TUT7: variants seen among roughly 807,000 people sequenced by gnomAD.
The protein encoded by TUT7 is terminal uridylyl transferase 7, also known as terminal uridylyltransferase 7.
Under a neutral mutation model 165.9 loss-of-function variants are expected in TUT7, and 33 were observed. That is an observed-to-expected ratio of 0.20 (90% confidence interval 0.15 to 0.27). The LOEUF is 0.27. Among genes scored for constraint, TUT7 ranks in the 10% least tolerant of loss-of-function variants. The pLI is 1.00. For synonymous variants in TUT7, 552 were observed against 608.1 expected (o/e 0.91, Z 1.36); for missense variants, 1,338 against 1,762.3 (o/e 0.76, Z 4.31).
chr9:86,331,321 A>G (rs1173069004), intron 10 of TUT7, among the ~76,000 whole-genome samples: 1 of 152,154 alleles, frequency 6.6e-6, no homozygotes, highest in Non-Finnish European at 1.5e-5. Context: ...AAAAATATGT[A>G]TTCTCCAGTT....
intron 22 of TUT7, among the ~76,000 whole-genome samples, chr9:86,305,745 C>T (rs1827400888): frequency 6.6e-6 from 1 of 152,100 alleles, no homozygotes; most frequent in African/African-American, 2.4e-5. Context: ...GATTACAAAA[C>T]ACACTTATAA....
chr9:86,306,176 C>G (rs1438112518), intron 22 of TUT7, among the ~76,000 whole-genome samples: 1 of 152,088 alleles, frequency 6.6e-6, no homozygotes, highest in Admixed American at 6.6e-5. Flanking sequence ...AAAGCGATGA[C>G]CTTTTTTCGG....
At chr9:86,316,426 C>T (rs911074679) in intron 17 of TUT7, among the ~76,000 whole-genome samples, 1 of 152,106 alleles carries the variant, frequency 6.6e-6, no homozygotes, top group Non-Finnish European at 1.5e-5. Flanking sequence ...AGCAAGATCC[C>T]ATTTCTTAAA....
intron 14 of TUT7, among the ~76,000 whole-genome samples, chr9:86,320,254 T>C (rs1383314524): frequency 1.6e-5 from 2 of 126,638 alleles, no homozygotes; most frequent in East Asian, 2.0e-4. Context: ...AAAAAAAATT[T>C]CCCAAAAAAA....
intron 2 of TUT7, among the ~76,000 whole-genome samples, chr9:86,348,210 A>G (rs553521942): frequency 6.6e-6 from 1 of 152,012 alleles, no homozygotes; most frequent in Non-Finnish European, 1.5e-5. Flanking sequence ...ACCTCAATCA[A>G]CTCCTACTGC....
chr9:86,337,336 T>C (rs1830884934), intron 10 of TUT7, 83 bp downstream of exon 10: 4 of 1,460,670 alleles, frequency 2.7e-6, no homozygotes. Flanking sequence ...GTTAGGTGTC[T>C]AGATTTTGAA....
Position 86,310,691 on chromosome 9 carries a change from T to A in TUT7, c.3378+15A>T. ...CCTTAACCTCTCTAAACAAAAAGCC[T>A]GAAAAAAATCTTACCAATGTGTTAT... On this transcript the variant is annotated intron_variant, in intron 18 of 26. Coordinates refer to ENST00000375963, the MANE Select transcript of TUT7 (RefSeq NM_024617.4). 6.7e-7 allele frequency: 1 copy of A among 1,491,504 alleles called. No homozygotes were observed. The allele number at this position is 1,491,504 out of a possible 1,614,324, so 92.4% of individuals were successfully genotyped here.
intron 2 of TUT7, among the ~76,000 whole-genome samples, chr9:86,351,282 A>G (rs1204841635): frequency 6.6e-6 from 1 of 152,144 alleles, no homozygotes; most frequent in Non-Finnish European, 1.5e-5. Context: ...TTAAAAATAC[A>G]AAAATTAGCC....
chr9:86,315,009 C>T (rs145561387), intron 17 of TUT7, among the ~76,000 whole-genome samples: 18 of 152,328 alleles, frequency 1.2e-4, no homozygotes, highest in African/African-American at 4.3e-4. Context: ...CCCACATTCT[C>T]TCTTCTTAGA....
Position 86,338,883 on chromosome 9 carries a change from G to A in TUT7, c.1275C>T (p.Ala425=). 1 of 1,610,988 alleles carries A rather than the reference G, an allele frequency of 6.2e-7. No homozygotes were observed. The part of the protein sequence containing the change: ...NACLTTKHLT[A]LGKLEPKLVP... ...CCAGCTTTGGTTCTAGTTTTCCAAG[G>A]GCAGTTAAATGCTTTGTTGTCAGAC... The change falls in exon 9 of 27, where the codon GCC becomes GCT. Residue 425 remains alanine (A), a synonymous_variant. Coordinates refer to ENST00000375963, the MANE Select transcript of TUT7 (RefSeq NM_024617.4).
At chr9:86,294,553 A>G (rs1240298567) in intron 26 of TUT7, among the ~76,000 whole-genome samples, 2 of 147,732 alleles carry the variant, frequency 1.4e-5, no homozygotes, top group Admixed American at 6.8e-5. Flanking sequence ...GCTATCATAA[A>G]GAATATTGGG....
Position 86,353,189 on chromosome 9 carries a change from G to A in TUT7, c.11C>T (p.Thr4Ile). 6.3e-7 allele frequency: 1 copy of A among 1,577,598 alleles called. No individual in the cohort carries two copies. The highest frequency in any genetic ancestry group is 8.6e-7 in the Non-Finnish European group (1 of 1,166,872). ...GCGCTTCACGAAATAAGGTTTTGCT[G>A]TATCTCCCATGGTCTTTGACTTCAA... MGDTAKPYFVKRTK... is the reference protein window; with the variant it reads MGDIAKPYFVKRTK... The change falls in exon 2 of 27, where the codon ACA becomes ATA. Residue 4 changes from threonine (T) to isoleucine (I), a missense_variant. By Grantham distance (89) the Thr-to-Ile change is moderately conservative. Coordinates refer to ENST00000375963, the MANE Select transcript of TUT7 (RefSeq NM_024617.4).
At chr9:86,350,540 C>T (rs936024115) in intron 2 of TUT7, among the ~76,000 whole-genome samples, 16 of 152,214 alleles carry the variant, frequency 1.1e-4, no homozygotes, top group South Asian at 2.1e-4. Context: ...TCAGGTCCAG[C>T]GAGGCTGAGT....
At chr9:86,306,381 A>C (rs1443431611) in intron 22 of TUT7, among the ~76,000 whole-genome samples, 6 of 152,164 alleles carry the variant, frequency 3.9e-5, no homozygotes, top group Non-Finnish European at 1.5e-5. Flanking sequence ...TGCAGTAATT[A>C]TTGCTATGAG....
chr9:86,333,859 A>ATATCC (rs937149681), intron 10 of TUT7, among the ~76,000 whole-genome samples: 2 of 151,952 alleles, frequency 1.3e-5, no homozygotes, highest in Admixed American at 6.6e-5. Flanking sequence ...AGGAGTTAGG[A>ATATCC]TGTTTATTGT....
intron 8 of TUT7, 85 bp from the exon 9 acceptor site, chr9:86,339,034 C>A: frequency 8.2e-7 from 1 of 1,224,556 alleles, no homozygotes; most frequent in Non-Finnish European, 1.1e-6. Context: ...ATGCCAACAA[C>A]TAATATACAT....
intron 17 of TUT7, among the ~76,000 whole-genome samples, chr9:86,312,578 C>G (rs1315117899): frequency 6.6e-6 from 1 of 150,612 alleles, no homozygotes; most frequent in Admixed American, 6.6e-5. Flanking sequence ...AGTGAGGAGC[C>G]CCTCTGCCCG....
rs544962008 is a variant in TUT7 at position 86,328,347 on chromosome 9, C to G, written c.1601G>C (p.Arg534Thr). ...EEAPRETPIK[R>T]GQVSLILDVK... ...AAACAAAAGAGAACAGACCTGTCCC[C>G]TTTTAATCGGCGTTTCTCTTGGTGC... Residue 534 changes from arginine (R) to threonine (T), a missense_variant, in exon 11 of 27, where the codon AGG (arginine) becomes ACG (threonine). Around this residue, in one of 7 missense-constraint regions of TUT7, gnomAD observed 53 missense variants for 46.3 expected, o/e 1.15. Transcript: ENST00000375963. The G allele has an allele frequency of 5.0e-6, 8 of 1,602,152 alleles. No individual in the cohort carries two copies. In the Admixed American group the frequency reaches 1.4e-4, roughly 28 times the overall value.
At chr9:86,312,290 G>A (rs942086078) in intron 17 of TUT7, among the ~76,000 whole-genome samples, 45 of 151,758 alleles carry the variant, frequency 3.0e-4, no homozygotes, top group African/African-American at 1.1e-3. Context: ...CGGGATGTGA[G>A]GAGCGTCTCT....
Sources: allele counts gnomAD v4.1 joint callset (sites outside exome capture counted in the v4.1 genomes callset), GRCh38; gene constraint gnomAD v4.1.1; regional missense constraint gnomAD v4.1.1; transcripts MANE v1.5; gene names NCBI Gene and HGNC (gene_info 2026-07-23, HGNC 2026-07-21).